The following WWC2 variants were observed in gnomAD, a reference collection of about 807,000 sequenced individuals.
The protein encoded by WWC2 is protein WWC2.
Under a neutral mutation model 138.5 loss-of-function variants are expected in WWC2, and 101 were observed. The observed-to-expected ratio is 0.73, with a 90% CI of 0.62 to 0.86. The LOEUF (loss-of-function observed/expected upper bound fraction) is 0.86, where lower values mean the gene tolerates loss of function less well. WWC2 is among the 40% of genes least tolerant of loss of function. The pLI is 0.00. For missense variants in WWC2, 1,420 were observed against 1,419.4 expected (o/e 1.00, Z -0.01); for synonymous variants, 558 against 538.4 (o/e 1.04, Z -0.50).
At chr4:183,206,285 T>C (rs1270090659) in intron 2 of WWC2, among the ~76,000 whole-genome samples, 1 of 152,168 alleles carries the variant, frequency 6.6e-6, no homozygotes, top group African/African-American at 2.4e-5. Flanking sequence ...TTTGCTTTGT[T>C]TTTTAAAAAT....
chr4:183,169,232 T>C (rs1734209021), intron 1 of WWC2, among the ~76,000 whole-genome samples: 1 of 152,240 alleles, frequency 6.6e-6, no homozygotes, highest in Non-Finnish European at 1.5e-5. Context: ...AACTTACAAA[T>C]CATTGGCACA....
intron 6 of WWC2, among the ~76,000 whole-genome samples, chr4:183,246,511 T>C (rs1163026021): frequency 2.4e-4 from 36 of 151,990 alleles, no homozygotes; most frequent in Admixed American, 2.3e-3. Flanking sequence ...TATAAAATAA[T>C]ATAGAAAAGA....
chr4:183,315,351 C>G (rs559406749), intron 22 of WWC2, among the ~76,000 whole-genome samples: 1 of 152,094 alleles, frequency 6.6e-6, no homozygotes, highest in South Asian at 2.1e-4. Context: ...CTACCTAGTT[C>G]GGAAACACCC....
Position 183,319,474 on chromosome 4 carries a change from T to G in WWC2, c.*3745T>G. ...GCATTTTCAAAAATCAAAAGCACAG[T>G]GAGATGACTAGAGCGGGACATCCTA... On this transcript the variant is annotated 3_prime_UTR_variant, in exon 23 of 23. Coordinates refer to ENST00000403733, the MANE Select transcript of WWC2 (RefSeq NM_024949.6). 29 of 1,355,358 alleles carry G rather than the reference T, an allele frequency of 2.1e-5. No homozygotes were observed. The highest frequency in any genetic ancestry group is 2.6e-5 in the Non-Finnish European group (26 of 989,752). The allele number at this position is 1,355,358 out of a possible 1,614,324, so 84.0% of individuals were successfully genotyped here.
intron 7 of WWC2, 37 bp downstream of exon 7, chr4:183,248,897 T>G: frequency 6.6e-7 from 1 of 1,505,888 alleles, no homozygotes; most frequent in Non-Finnish European, 9.0e-7. Flanking sequence ...CCCAGTGTTG[T>G]CCTTGATGGG....
At chr4:183,126,532 G>A (rs1732763205) in intron 1 of WWC2, among the ~76,000 whole-genome samples, 1 of 152,096 alleles carries the variant, frequency 6.6e-6, no homozygotes, top group Non-Finnish European at 1.5e-5. Context: ...AACACTAGGG[G>A]GTTCTTAGGA....
chr4:183,208,060 C>G lies in WWC2; in HGVS notation c.349C>G (p.Leu117Val). 6.2e-7 allele frequency: 1 copy of G among 1,613,926 alleles called. No individual in the cohort carries two copies. The highest frequency in any genetic ancestry group is 8.5e-7 in the Non-Finnish European group (1 of 1,179,850). Residue 117 changes from leucine (L) to valine (V), a missense_variant, in exon 3 of 23, where the codon CTG (leucine) becomes GTG (valine). Leu to Val is a conservative substitution (Grantham distance 32). Transcript: ENST00000403733. ...GGATGCCCTCCGGACACAGAAGGAA[C>G]TGTACCATGTGAAGGAGCAGAGGCT... is the stretch of plus-strand genomic sequence containing the variant. ...AQDALRTQKE[L>V]YHVKEQRLAL...
At chr4:183,210,016 C>T (rs1224274572) in intron 4 of WWC2, among the ~76,000 whole-genome samples, 5 of 152,060 alleles carry the variant, frequency 3.3e-5, no homozygotes, top group Admixed American at 2.6e-4. Context: ...TTTGATGGCT[C>T]GCCTTGCTCA....
chr4:183,218,677 G>A (rs1281880586), intron 4 of WWC2, among the ~76,000 whole-genome samples: 1 of 152,164 alleles, frequency 6.6e-6, no homozygotes. Context: ...GAAAGCTGAT[G>A]GTGCAGATGA....
chr4:183,267,084 T>G (rs1287939616), intron 14 of WWC2, among the ~76,000 whole-genome samples: 2 of 151,824 alleles, frequency 1.3e-5, no homozygotes, highest in Non-Finnish European at 2.9e-5. Context: ...AGGCTGGTCT[T>G]GAACTCCCTG....
rs192334372 is a variant in WWC2 at position 183,232,793 on chromosome 4, G to A, written c.523-7390G>A. Among the ~76,000 whole-genome samples the A allele has an allele frequency of 3.8e-4, 58 of 152,092 alleles. No homozygotes were observed. The East Asian group carries it at 9.5e-3, about 25-fold the overall frequency. ...CTCCCGAGTAGCTGGGATTACAGGC[G>A]CATGCCACCACACCCAGCTAATTTT... On this transcript the variant is annotated intron_variant, in intron 4 of 22. Coordinates refer to ENST00000403733, the MANE Select transcript of WWC2 (RefSeq NM_024949.6).
At chr4:183,166,845 C>A (rs962381527) in intron 1 of WWC2, among the ~76,000 whole-genome samples, 1 of 152,164 alleles carries the variant, frequency 6.6e-6, no homozygotes. Flanking sequence ...AAAAGGTAAT[C>A]TCTCAGCTCT....
intron 2 of WWC2, among the ~76,000 whole-genome samples, chr4:183,205,731 GCT>G (rs1560842229): frequency 6.6e-6 from 1 of 152,104 alleles, no homozygotes; most frequent in Admixed American, 6.5e-5. Context: ...GTCTTATTTA[GCT>G]CTGTTGTTAA....
intron 19 of WWC2, 47 bp downstream of exon 19, chr4:183,284,437 C>G: frequency 6.3e-7 from 1 of 1,593,960 alleles, no homozygotes; most frequent in Non-Finnish European, 8.5e-7. Flanking sequence ...GCAGCTTCTT[C>G]CCTGCTGGTA....
chr4:183,184,885 A>G (rs1251745592), intron 1 of WWC2, among the ~76,000 whole-genome samples: 1 of 152,222 alleles, frequency 6.6e-6, no homozygotes, highest in East Asian at 1.9e-4. Flanking sequence ...ACTATTCCAA[A>G]TAGGAGGACT....
intron 21 of WWC2, among the ~76,000 whole-genome samples, chr4:183,306,271 T>C (rs1263836633): frequency 6.6e-6 from 1 of 152,234 alleles, no homozygotes; most frequent in Non-Finnish European, 1.5e-5. Context: ...TGGTAGATAT[T>C]ATTCCAGCTG....
At chr4:183,179,658 G>T (rs1387455960) in intron 1 of WWC2, among the ~76,000 whole-genome samples, 1 of 152,102 alleles carries the variant, frequency 6.6e-6, no homozygotes, top group South Asian at 2.1e-4. Context: ...AGGTCATTTG[G>T]GGGAGGAATG....
Position 183,164,265 on chromosome 4 carries a change from CATATATATATATATAT to C in WWC2, c.132-29314_132-29299del, listed in dbSNP as rs1300397704. The stretch of plus-strand genomic sequence containing the variant: ...CCTGCATTATGTGATTTGGTGTGCG[CATATATATATATATAT>C]ATATATATATATATATATACATATA... On this transcript the variant is annotated intron_variant, in intron 1 of 22. Transcript: ENST00000403733. Among the ~76,000 whole-genome samples the C allele has an allele frequency of 9.6e-5, 7 of 72,844 alleles. 1 individual carries two copies. Among genetic ancestry groups the C allele is most frequent in the African/African-American group, 4.0e-4 (7 of 17,316 alleles). The allele number at this position is 72,844 out of a possible 152,430, so 47.8% of individuals were successfully genotyped here. A position where few individuals can be genotyped will look rare whatever the true frequency, so the allele number is the denominator to read the frequency against.
chr4:183,139,778 C>T (rs1363725697), intron 1 of WWC2, among the ~76,000 whole-genome samples: 3 of 152,134 alleles, frequency 2.0e-5, no homozygotes, highest in Non-Finnish European at 2.9e-5. Flanking sequence ...CACCATATAA[C>T]GTTAGTTCTC....
Sources: allele counts gnomAD v4.1 joint callset (sites outside exome capture counted in the v4.1 genomes callset), GRCh38; gene constraint gnomAD v4.1.1; transcripts MANE v1.5; gene names NCBI Gene and HGNC (gene_info 2026-07-23, HGNC 2026-07-21).